Variants in TMEM45B observed in about 807,000 individuals in gnomAD.
TMEM45B encodes transmembrane protein 45B.
Under a neutral mutation model 27.3 loss-of-function variants are expected in TMEM45B, and 29 were observed. The ratio of observed to expected loss-of-function variants is 1.06; its 90% confidence interval spans 0.79 to 1.45. The LOEUF is 1.45. Among genes scored for constraint, TMEM45B ranks in the 40% most tolerant of loss-of-function variants. TMEM45B has a pLI of 0.00. For missense variants in TMEM45B, 348 were observed against 343.9 expected (o/e 1.01, Z -0.09); for synonymous variants, 143 against 134.7 (o/e 1.06, Z -0.43).
intron 5 of TMEM45B, among the ~76,000 whole-genome samples, chr11:129,858,050 A>G (rs969041734): frequency 3.3e-5 from 5 of 152,160 alleles, no homozygotes; most frequent in African/African-American, 4.8e-5. Flanking sequence ...TGGAGAAAAC[A>G]AGGCTTCAAA....
chr11:129,840,464 A>G (rs756448672), intron 1 of TMEM45B, among the ~76,000 whole-genome samples: 18 of 152,208 alleles, frequency 1.2e-4, no homozygotes, highest in Non-Finnish European at 2.2e-4. Context: ...TTTGACCTAC[A>G]TTTGCAAAGC....
chr11:129,825,742 G>T (rs995812375), intron 1 of TMEM45B, among the ~76,000 whole-genome samples: 1 of 152,136 alleles, frequency 6.6e-6, no homozygotes, highest in South Asian at 2.1e-4. Flanking sequence ...AGGGAAGGAA[G>T]GAAGGAGTCT....
At position 129,851,408 on chromosome 11, in the gene TMEM45B, G is replaced by A. The variant is rs572226767; in HGVS notation, c.-8-1067G>A. ...AAAATATAAAAATTAGCCAGGCGTG[G>A]TGGCGGGTGCCTGTAATTCCAGCTA... On this transcript the variant is annotated intron_variant, in intron 1 of 5. Transcript: ENST00000281441. Among the ~76,000 whole-genome samples the A allele has an allele frequency of 6.0e-5, 9 of 150,506 alleles. No homozygotes were observed. In the East Asian group the frequency reaches 1.4e-3, roughly 23 times the overall value.
At chr11:129,828,032 A>G (rs1372413214) in intron 1 of TMEM45B, 2 of 152,166 alleles carry the variant, frequency 1.3e-5, no homozygotes, top group Non-Finnish European at 2.9e-5. Context: ...GCCGTCTGTC[A>G]TTAACCAAAA....
At chr11:129,838,946 C>G (rs692123) in intron 1 of TMEM45B, among the ~76,000 whole-genome samples, 1 of 151,986 alleles carries the variant, frequency 6.6e-6, no homozygotes, top group African/African-American at 2.4e-5. Context: ...CTTTTAACTA[C>G]AGCCAAATGG....
At chr11:129,850,392 T>C (rs539086088) in intron 1 of TMEM45B, 1 of 152,324 alleles carries the variant, frequency 6.6e-6, no homozygotes, top group Admixed American at 6.5e-5. Context: ...CTCGAACTCC[T>C]GACCTCAGGT....
intron 1 of TMEM45B, among the ~76,000 whole-genome samples, chr11:129,824,233 T>A (rs1947453408): frequency 6.6e-6 from 1 of 152,158 alleles, no homozygotes; most frequent in Non-Finnish European, 1.5e-5. Context: ...TAGATTACTG[T>A]TTCTCAATCG....
intron 1 of TMEM45B, among the ~76,000 whole-genome samples, chr11:129,818,135 C>T (rs1947374559): frequency 6.6e-6 from 1 of 152,228 alleles, no homozygotes; most frequent in African/African-American, 2.4e-5. Context: ...TAAGCTTCTA[C>T]TCTTTTAACC....
At chr11:129,833,165 G>A (rs1188686998) in intron 1 of TMEM45B, among the ~76,000 whole-genome samples, 3 of 151,460 alleles carry the variant, frequency 2.0e-5, no homozygotes, top group Non-Finnish European at 4.4e-5. Flanking sequence ...GCTTGAACCC[G>A]AGAGGTGGAG....
chr11:129,850,162 TTGA>T (rs997893772), intron 1 of TMEM45B, among the ~76,000 whole-genome samples: 1 of 151,246 alleles, frequency 6.6e-6, no homozygotes. Flanking sequence ...TTTTTTTTTG[TTGA>T]TGTTGTTGTT....
intron 3 of TMEM45B, among the ~76,000 whole-genome samples, chr11:129,855,373 T>G (rs1342588248): frequency 2.6e-5 from 4 of 151,892 alleles, no homozygotes; most frequent in African/African-American, 4.9e-5. Flanking sequence ...ACAACCTCAC[T>G]TCTGTACCTC....
chr11:129,857,235 C>T (rs1404747299), intron 4 of TMEM45B, 78 bp from the exon 5 acceptor site: 22 of 1,546,206 alleles, frequency 1.4e-5, no homozygotes, highest in Middle Eastern at 1.8e-4. Context: ...TGGGCCACTT[C>T]GGTGGCCACA....
chr11:129,831,073 G>T (rs1180106400), intron 1 of TMEM45B, among the ~76,000 whole-genome samples: 1 of 152,096 alleles, frequency 6.6e-6, no homozygotes, highest in Non-Finnish European at 1.5e-5. Flanking sequence ...CTATGATAAA[G>T]CTTATATAAA....
chr11:129,847,451 G>C (rs796390174), intron 1 of TMEM45B, among the ~76,000 whole-genome samples: 1 of 149,718 alleles, frequency 6.7e-6, no homozygotes, highest in African/African-American at 2.5e-5. Context: ...GGTGTTTCTC[G>C]CAGAGGGGGA....
chr11:129,827,695 C>T (rs765047173), intron 1 of TMEM45B, among the ~76,000 whole-genome samples: 4 of 152,012 alleles, frequency 2.6e-5, no homozygotes, highest in African/African-American at 9.7e-5. Flanking sequence ...CCCAGCTACT[C>T]GAGAGGCTGA....
intron 1 of TMEM45B, among the ~76,000 whole-genome samples, chr11:129,832,814 C>T (rs985830478): frequency 3.9e-5 from 6 of 152,040 alleles, no homozygotes; most frequent in Admixed American, 1.3e-4. Flanking sequence ...GGGTGACTTT[C>T]AGAGCCATCA....
chr11:129,848,240 C>G (rs1258356602), intron 1 of TMEM45B, among the ~76,000 whole-genome samples: 1 of 152,274 alleles, frequency 6.6e-6, no homozygotes, highest in East Asian at 1.9e-4. Context: ...ACTGAGTGAA[C>G]GAGACTCCGT....
chr11:129,855,623 C>A (rs1947910800), intron 3 of TMEM45B, 85 bp from the exon 4 acceptor site: 3 of 1,418,196 alleles, frequency 2.1e-6, no homozygotes, highest in South Asian at 1.2e-5. Context: ...TGCTGAAGAA[C>A]CTAGCTGAGA....
At chr11:129,824,274 G>A (rs1313098866) in intron 1 of TMEM45B, among the ~76,000 whole-genome samples, 6 of 152,212 alleles carry the variant, frequency 3.9e-5, no homozygotes, top group Non-Finnish European at 7.3e-5. Flanking sequence ...TAAACTCCCA[G>A]GGACCTGGAG....
Sources: gnomAD v4.1 joint callset for allele counts (sites outside exome capture counted in the v4.1 genomes callset) on GRCh38, gnomAD v4.1.1 for gene constraint, MANE v1.5 for transcripts, NCBI Gene and HGNC (gene_info 2026-07-23, HGNC 2026-07-21) for gene names.